The following NPAS3 variants were observed in gnomAD, a reference collection of about 807,000 sequenced individuals.
NPAS3 encodes neuronal PAS domain-containing protein 3.
In NPAS3, 14 loss-of-function variants were observed where a neutral mutation model predicts 73.1. The ratio of observed to expected loss-of-function variants is 0.19; its 90% CI spans 0.13 to 0.30. The LOEUF is 0.30. Among genes scored for constraint, NPAS3 ranks in the 10% least tolerant of loss-of-function variants. The pLI, the probability that NPAS3 is intolerant of heterozygous loss-of-function variation, is 1.00. For synonymous variants in NPAS3, 620 were observed against 541.5 expected, an observed-to-expected ratio of 1.14 and a Z score of -2.01; for missense variants, 1,096 against 1,250.0, an observed-to-expected ratio of 0.88 and a Z score of 1.86.
At chr14:33,733,644 G>T (rs1457820136) in intron 6 of NPAS3, among the ~76,000 whole-genome samples, 1 of 152,030 alleles carries the variant, frequency 6.6e-6, no homozygotes, top group East Asian at 1.9e-4. Context: ...TAGATGATGA[G>T]AAAAATTTCA....
chr14:33,414,320 T>A (rs563833385), intron 4 of NPAS3, among the ~76,000 whole-genome samples: 1 of 152,232 alleles, frequency 6.6e-6, no homozygotes, highest in East Asian at 1.9e-4. Context: ...AAAGTAGAAA[T>A]CTTTGTCAGT....
chr14:33,091,409 T>G (rs894760425), intron 2 of NPAS3, among the ~76,000 whole-genome samples: 26 of 152,130 alleles, frequency 1.7e-4, no homozygotes, highest in African/African-American at 6.0e-4. Context: ...ATAAATTCCT[T>G]GACACATACA....
chr14:33,358,080 C>T (rs1202479467), intron 3 of NPAS3, among the ~76,000 whole-genome samples: 1 of 152,134 alleles, frequency 6.6e-6, no homozygotes, highest in Non-Finnish European at 1.5e-5. Flanking sequence ...AAATGGAGCA[C>T]ATATTCTACA....
intron 4 of NPAS3, among the ~76,000 whole-genome samples, chr14:33,528,525 G>C (rs1462428977): frequency 6.6e-6 from 1 of 152,054 alleles, no homozygotes; most frequent in African/African-American, 2.4e-5. Context: ...TGTGTCTGCA[G>C]ATTTGGAGGA....
chr14:33,555,048 G>C lies in NPAS3; in HGVS notation c.469-5073G>C, dbSNP rs535915142. Among the ~76,000 whole-genome samples, 163 of 148,822 alleles carry C rather than the reference G, an allele frequency of 1.1e-3. 4 individuals carry two copies. In the South Asian group the frequency reaches 0.032, roughly 30 times the overall value. On this transcript the variant is annotated intron_variant, in intron 4 of 11. Transcript: ENST00000356141. ...AGAGATGCTGTAACTCCTGACTTCT[G>C]TATCCAAGCCTCACTTCTTGCATGT...
intron 1 of NPAS3, among the ~76,000 whole-genome samples, chr14:33,037,083 G>T (rs1444510701): frequency 2.6e-5 from 4 of 152,142 alleles, no homozygotes; most frequent in Non-Finnish European, 2.9e-5. Context: ...TTGATTGAAA[G>T]CTCATACTGT....
At chr14:33,526,466 T>C (rs1477329905) in intron 4 of NPAS3, among the ~76,000 whole-genome samples, 1 of 152,004 alleles carries the variant, frequency 6.6e-6, no homozygotes, top group Non-Finnish European at 1.5e-5. Flanking sequence ...GAATATCCCA[T>C]GTAAAAGAGG....
chr14:33,716,866 C>T (rs1011608121), intron 6 of NPAS3, among the ~76,000 whole-genome samples: 2 of 152,262 alleles, frequency 1.3e-5, no homozygotes, highest in Middle Eastern at 3.4e-3. Context: ...CAGCTGCCAT[C>T]AACTGTGTAG....
At chr14:33,663,499 TTCA>T (rs539742378) in intron 5 of NPAS3, among the ~76,000 whole-genome samples, 39 of 152,300 alleles carry the variant, frequency 2.6e-4, no homozygotes, top group African/African-American at 7.9e-4. Flanking sequence ...CAAATCGATG[TTCA>T]TCAGGGATAT....
At chr14:33,165,498 G>T (rs2045099801) in intron 2 of NPAS3, among the ~76,000 whole-genome samples, 2 of 152,054 alleles carry the variant, frequency 1.3e-5, no homozygotes, top group Non-Finnish European at 2.9e-5. Context: ...GAGCTGTGCA[G>T]CTCTACTACT....
At chr14:33,528,025 T>C (rs1472691544) in intron 4 of NPAS3, among the ~76,000 whole-genome samples, 1 of 152,100 alleles carries the variant, frequency 6.6e-6, no homozygotes, top group Non-Finnish European at 1.5e-5. Context: ...GTAAACCATA[T>C]ATTAATTTCT....
At chr14:33,163,623 G>GTTTTTTTTT (rs71448290) in intron 2 of NPAS3, among the ~76,000 whole-genome samples, 35 of 110,558 alleles carry the variant, frequency 3.2e-4, no homozygotes, top group Non-Finnish European at 4.7e-4. Flanking sequence ...GTGTTTTGTT[G>GTTTTTTTTT]TTTTTTTTTT....
chr14:33,498,120 T>C (rs1205995449), intron 4 of NPAS3, among the ~76,000 whole-genome samples: 4 of 152,156 alleles, frequency 2.6e-5, no homozygotes, highest in Non-Finnish European at 5.9e-5. Flanking sequence ...ATTAGAGAAA[T>C]GCAAGTCAAA....
chr14:33,320,637 C>CA (rs2043402061), intron 3 of NPAS3, among the ~76,000 whole-genome samples: 1 of 152,108 alleles, frequency 6.6e-6, no homozygotes, highest in Non-Finnish European at 1.5e-5. Context: ...TGAGTGAGGA[C>CA]AGGAACCATG....
At chr14:33,670,214 C>A (rs2059573315) in intron 5 of NPAS3, among the ~76,000 whole-genome samples, 1 of 152,156 alleles carries the variant, frequency 6.6e-6, no homozygotes, top group Admixed American at 6.5e-5. Flanking sequence ...AGCTAAAATT[C>A]TTCTAAGGGA....
rs138750224 is a variant in NPAS3 at position 33,761,115 on chromosome 14, G to A, written c.853-13222G>A. 5.7e-3 allele frequency among the ~76,000 whole-genome samples: 864 copies of A among 152,274 alleles called. 6 individuals are homozygous for A. The highest frequency in any genetic ancestry group is 9.2e-3 in the Non-Finnish European group (629 of 68,016). ...TCTCCTCCCATACTATGGACAGAACGTGTACTACAGGGGAATATTTGTCTT... is the reference window on the plus strand; with the variant it reads ...TCTCCTCCCATACTATGGACAGAACATGTACTACAGGGGAATATTTGTCTT... On this transcript the variant is annotated intron_variant, in intron 7 of 11. Transcript: ENST00000356141.
chr14:33,105,116 A>G (rs2042685000), intron 2 of NPAS3, among the ~76,000 whole-genome samples: 1 of 152,202 alleles, frequency 6.6e-6, no homozygotes, highest in South Asian at 2.1e-4. Flanking sequence ...TAAAAGATGT[A>G]AAGGTTAAAA....
At chr14:33,363,755 T>A (rs528617418) in intron 3 of NPAS3, among the ~76,000 whole-genome samples, 65 of 152,312 alleles carry the variant, frequency 4.3e-4, no homozygotes, top group African/African-American at 1.5e-3. Flanking sequence ...CATTTAGTCA[T>A]GTTGAATTGA....
intron 2 of NPAS3, among the ~76,000 whole-genome samples, chr14:33,153,948 G>A (rs910100018): frequency 2.6e-5 from 4 of 152,060 alleles, no homozygotes; most frequent in Non-Finnish European, 4.4e-5. Context: ...CAGTTCTTAC[G>A]GGTTTATGTC....
Sources: allele counts gnomAD v4.1 joint callset (sites outside exome capture counted in the v4.1 genomes callset), GRCh38; gene constraint gnomAD v4.1.1; transcripts MANE v1.5; gene names NCBI Gene and HGNC (gene_info 2026-07-23, HGNC 2026-07-21).